ABCC1: variants seen among roughly 807,000 people sequenced by gnomAD.
ABCC1 encodes the protein ATP binding cassette subfamily C member 1 (ABCC1 blood group), also known as multidrug resistance-associated protein 1.
Under a neutral mutation model 172.9 loss-of-function variants are expected in ABCC1, and 83 were observed. That is an observed-to-expected ratio of 0.48 (90% CI 0.40 to 0.58). The LOEUF (loss-of-function observed/expected upper bound fraction) is 0.58, where lower values mean the gene tolerates loss of function less well. Among genes scored for constraint, ABCC1 ranks in the 20% least tolerant of loss-of-function variants. ABCC1 has a pLI of 0.00. For synonymous variants in ABCC1, 937 were observed against 825.2 expected (o/e 1.14, Z -2.32); for missense variants, 1,817 against 2,002.7 (o/e 0.91, Z 1.77).
intron 10 of ABCC1, among the ~76,000 whole-genome samples, chr16:16,051,141 G>A (rs938600293): frequency 2.4e-4 from 36 of 151,894 alleles, no homozygotes; most frequent in African/African-American, 8.0e-4. Flanking sequence ...TGTTGTGGGG[G>A]CTGTCTTTTT....
chr16:15,995,305 A>G (rs2047019055), intron 1 of ABCC1, among the ~76,000 whole-genome samples: 1 of 152,276 alleles, frequency 6.6e-6, no homozygotes. Context: ...GGCTGATGCA[A>G]CTAATGAATC....
intron 16 of ABCC1, 88 bp downstream of exon 16, chr16:16,079,566 C>T: frequency 6.7e-7 from 1 of 1,490,496 alleles, no homozygotes; most frequent in African/African-American, 1.4e-5. Flanking sequence ...TTTGACTGTC[C>T]CTGTGCCAGA....
chr16:16,004,736 C>A (rs1426815146), intron 1 of ABCC1, among the ~76,000 whole-genome samples: 1 of 149,202 alleles, frequency 6.7e-6, no homozygotes, highest in Non-Finnish European at 1.5e-5. Context: ...CTCACTGCAA[C>A]CTTTGCCTCC....
intron 12 of ABCC1, among the ~76,000 whole-genome samples, chr16:16,063,949 C>G (rs1343550533): frequency 6.6e-6 from 1 of 152,182 alleles, no homozygotes; most frequent in African/African-American, 2.4e-5. Context: ...TAGGTCATGT[C>G]TTTCAGGGCT....
intron 7 of ABCC1, among the ~76,000 whole-genome samples, chr16:16,043,222 G>GT (rs147161637): frequency 0.03 from 2,663 of 89,406 alleles, 79 homozygotes; most frequent in Non-Finnish European, 0.043. Context: ...TGGCTGGACT[G>GT]TTTTTTTTTT....
intron 27 of ABCC1, among the ~76,000 whole-genome samples, chr16:16,132,510 G>GTTTTTTTTTTTTTTTTTTTTTT (rs71137915): frequency 5.4e-5 from 2 of 37,298 alleles, no homozygotes; most frequent in African/African-American, 2.0e-4. Context: ...TTGGTTGGTT[G>GTTTTTTTTTTTTTTTTTTTTTT]TTTTTTTTTT....
chr16:16,124,343 G>GTA (rs2045320361), intron 24 of ABCC1, among the ~76,000 whole-genome samples: 1 of 129,886 alleles, frequency 7.7e-6, no homozygotes, highest in Non-Finnish European at 1.6e-5. Flanking sequence ...GTGTGTGTGT[G>GTA]TGTGTGATTA....
At chr16:16,069,482 T>G (rs1250518137) in intron 13 of ABCC1, among the ~76,000 whole-genome samples, 2 of 152,112 alleles carry the variant, frequency 1.3e-5, no homozygotes, top group Non-Finnish European at 2.9e-5. Flanking sequence ...TTTGTCACAC[T>G]TGGGCACTAC....
At chr16:16,088,647 G>A (rs1191250954) in intron 18 of ABCC1, among the ~76,000 whole-genome samples, 5 of 152,204 alleles carry the variant, frequency 3.3e-5, no homozygotes, top group Admixed American at 3.3e-4. Context: ...TTTGAAAATC[G>A]TATTAAATTT....
chr16:16,034,023 C>CTTTTATT (rs2048652696), intron 6 of ABCC1, among the ~76,000 whole-genome samples: 1 of 86,830 alleles, frequency 1.2e-5, no homozygotes, highest in African/African-American at 4.4e-5. Context: ...TAAGCATCAT[C>CTTTTATT]TTTTTTTTTT....
Position 16,111,444 on chromosome 16 carries a change from C to A in ABCC1, c.2941C>A (p.Leu981Ile). 1 of 1,614,148 alleles carries A rather than the reference C, an allele frequency of 6.2e-7. No homozygotes were observed. Among genetic ancestry groups the A allele is most frequent in the Non-Finnish European group, 8.5e-7 (1 of 1,180,032 alleles). Residue 981 changes from leucine to isoleucine, a missense_variant, in exon 22 of 31, where the codon CTT (leucine) becomes ATT (isoleucine). Leu to Ile is a conservative substitution (Grantham distance 5, BLOSUM62 2). Transcript: ENST00000399410. ...GLFISFLSIF[L>I]FMCNHVSALA... ...CTTCATCTCCTTCCTCAGCATCTTC[C>A]TTTTCATGTGTAACCATGTGTCCGC...
chr16:16,016,342 CG>C (rs1204188921), intron 4 of ABCC1, among the ~76,000 whole-genome samples, 153 bp from the exon 5 acceptor site: 1 of 151,722 alleles, frequency 6.6e-6, no homozygotes, highest in Non-Finnish European at 1.5e-5. Flanking sequence ...TTAGTAGAGA[CG>C]GGGTTTCACC....
At chr16:16,084,456 T>A (rs2050931021) in intron 17 of ABCC1, among the ~76,000 whole-genome samples, 2 of 150,988 alleles carry the variant, frequency 1.3e-5, no homozygotes, top group South Asian at 4.2e-4. Flanking sequence ...CTCTGCCTCC[T>A]GAGTTCAAGT....
intron 1 of ABCC1, among the ~76,000 whole-genome samples, chr16:15,990,327 A>G (rs1352886154): frequency 6.6e-6 from 1 of 152,184 alleles, no homozygotes; most frequent in Non-Finnish European, 1.5e-5. Context: ...GATTACAGGC[A>G]TGAGCCATCA....
At position 16,026,323 on chromosome 16, in the gene ABCC1, A is replaced by T. The variant is rs115182745; in HGVS notation, c.616-6786A>T. 4.5e-3 allele frequency among the ~76,000 whole-genome samples: 664 copies of T among 149,096 alleles called. 8 individuals are homozygous for T. Among genetic ancestry groups the T allele is most frequent in the African/African-American group, 0.016 (639 of 40,436 alleles). On this transcript the variant is annotated intron_variant, in intron 5 of 30. Coordinates refer to ENST00000399410, the MANE Select transcript of ABCC1 (RefSeq NM_004996.4). ...TGGTGTGCACCATGTAATCCCCGCT[A>T]TGTGGCAGGATGAGGCAGGAGAACT...
rs45568838 is a variant in ABCC1 at position 16,021,672 on chromosome 16, G to A, written c.615+5051G>A. ...GCGGAGGTTGCAGTGAGCTGAGATC[G>A]CTCCAGTCTGGGCAACAGACTGAGA... On this transcript the variant is annotated intron_variant, in intron 5 of 30. Transcript: ENST00000399410. Among the ~76,000 whole-genome samples, 1,245 of 152,188 alleles carry A rather than the reference G, an allele frequency of 8.2e-3. 18 individuals are homozygous for A. The highest frequency in any genetic ancestry group is 0.028 in the African/African-American group (1,161 of 41,522).
chr16:16,103,598 A>T (rs2051885208), intron 20 of ABCC1, among the ~76,000 whole-genome samples: 1 of 152,028 alleles, frequency 6.6e-6, no homozygotes, highest in African/African-American at 2.4e-5. Context: ...AAAACAAAAC[A>T]AAACAGCAGC....
Position 16,073,049 on chromosome 16 carries a change from A to T in ABCC1, c.1912+1320A>T, listed in dbSNP as rs1486294797. Reference sequence around the variant, plus strand: ...GAGTGAGACTTCATCTCAAAAAAAAAAAAAAAAATAATAATAATAAATATT... The same window carrying T: ...GAGTGAGACTTCATCTCAAAAAAAATAAAAAAAATAATAATAATAAATATT... On this transcript the variant is annotated intron_variant, in intron 14 of 30. Transcript: ENST00000399410. Among the ~76,000 whole-genome samples, 507 of 105,538 alleles carry T rather than the reference A, an allele frequency of 4.8e-3. 2 individuals carry two copies. The highest frequency in any genetic ancestry group is 7.8e-3 in the Non-Finnish European group (372 of 47,708). 69.2% of individuals were successfully genotyped at this position (105,538 alleles called of 152,430 possible).
intron 26 of ABCC1, among the ~76,000 whole-genome samples, chr16:16,128,265 TCTC>T (rs1567436387): frequency 1.3e-5 from 2 of 151,728 alleles, no homozygotes; most frequent in Non-Finnish European, 2.9e-5. Flanking sequence ...GCAACCTCCT[TCTC>T]CTGGGTTCAA....
Sources: allele counts gnomAD v4.1 joint callset (sites outside exome capture counted in the v4.1 genomes callset), GRCh38; gene constraint gnomAD v4.1.1; transcripts MANE v1.5; gene names NCBI Gene and HGNC (gene_info 2026-07-23, HGNC 2026-07-21).